Variants in JARID2 observed in about 807,000 individuals in gnomAD.
JARID2 encodes the protein protein Jumonji.
Under a neutral mutation model 125.6 loss-of-function variants are expected in JARID2, and 21 were observed. The observed-to-expected ratio is 0.17, with a 90% CI of 0.12 to 0.24. The LOEUF is 0.24. Ranked by LOEUF, JARID2 falls within the 10% of genes least tolerant of loss-of-function variation. The pLI is 1.00. For missense variants in JARID2, 1,303 were observed against 1,639.6 expected (o/e 0.79, Z 3.55); for synonymous variants, 736 against 661.6 (o/e 1.11, Z -1.73).
intron 5 of JARID2, among the ~76,000 whole-genome samples, chr6:15,477,600 G>A (rs142562640): frequency 1.4e-3 from 216 of 151,308 alleles, no homozygotes; most frequent in African/African-American, 5.0e-3. Flanking sequence ...CATTTGGGGC[G>A]GTGTTCCTTA....
intron 1 of JARID2, among the ~76,000 whole-genome samples, chr6:15,325,724 C>T (rs141571391): frequency 6.6e-6 from 1 of 152,194 alleles, no homozygotes; most frequent in Non-Finnish European, 1.5e-5. Context: ...ATCATAGTCC[C>T]TTCCTGGGAG....
chr6:15,342,265 T>C (rs1033188115), intron 1 of JARID2, among the ~76,000 whole-genome samples: 2 of 152,242 alleles, frequency 1.3e-5, no homozygotes, highest in Non-Finnish European at 2.9e-5. Flanking sequence ...ACTTGGCCTC[T>C]GTGCGACTTA....
intron 2 of JARID2, among the ~76,000 whole-genome samples, chr6:15,408,349 C>G (rs144531566): frequency 0.01 from 1,534 of 152,032 alleles, 11 homozygotes; most frequent in South Asian, 0.018. Flanking sequence ...GGTTCTTTAA[C>G]CAGCATTTTT....
intron 1 of JARID2, among the ~76,000 whole-genome samples, chr6:15,346,737 T>C (rs970682066): frequency 2.0e-5 from 3 of 146,864 alleles, no homozygotes; most frequent in Non-Finnish European, 3.0e-5. Context: ...GAAGTAATTG[T>C]AATTTTTTTT....
intron 4 of JARID2, among the ~76,000 whole-genome samples, chr6:15,465,448 C>G (rs1376981586): frequency 2.6e-5 from 4 of 152,140 alleles, no homozygotes; most frequent in Non-Finnish European, 5.9e-5. Flanking sequence ...GATTTCTTGT[C>G]TCAAACAATA....
At chr6:15,486,606 A>T (rs1769875303) in intron 5 of JARID2, among the ~76,000 whole-genome samples, 1 of 152,240 alleles carries the variant, frequency 6.6e-6, no homozygotes, top group Non-Finnish European at 1.5e-5. Flanking sequence ...GGCTTATAGG[A>T]AGCACTTAAG....
chr6:15,517,097 C>A, intron 16 of JARID2, 64 bp from the exon 17 acceptor site: 1 of 1,278,394 alleles, frequency 7.8e-7, no homozygotes, highest in Admixed American at 1.7e-5. Flanking sequence ...GTGCTCCTAC[C>A]TTACCCTCCC....
At chr6:15,281,884 A>G (rs900117829) in intron 1 of JARID2, among the ~76,000 whole-genome samples, 1 of 151,854 alleles carries the variant, frequency 6.6e-6, no homozygotes, top group African/African-American at 2.4e-5. Flanking sequence ...TAATATTAGC[A>G]TATGATTGAA....
chr6:15,516,424 G>GC (rs1385410358), intron 16 of JARID2, among the ~76,000 whole-genome samples: 3 of 152,336 alleles, frequency 2.0e-5, no homozygotes, highest in African/African-American at 7.2e-5. Context: ...CCCTAGACAG[G>GC]CCCCCAGTGA....
chr6:15,320,852 CTGTG>C lies in JARID2; in HGVS notation c.46-53237_46-53234del, dbSNP rs71944757. 5.6e-4 allele frequency among the ~76,000 whole-genome samples: 82 copies of C among 145,398 alleles called. 1 individual carries two copies. The highest frequency in any genetic ancestry group is 3.6e-3 in the Middle Eastern group (1 of 280). On this transcript the variant is annotated intron_variant, in intron 1 of 17. Coordinates refer to ENST00000341776, the MANE Select transcript of JARID2 (RefSeq NM_004973.4). ...AATATGATTCATTCTCTCTCTCTCT[CTGTG>C]TGTGTGTGTGTGTGTGTGTGTGTGT... is the stretch of plus-strand genomic sequence containing the variant.
At chr6:15,433,144 A>G (rs1404908495) in intron 3 of JARID2, among the ~76,000 whole-genome samples, 1 of 152,182 alleles carries the variant, frequency 6.6e-6, no homozygotes, top group Admixed American at 6.5e-5. Flanking sequence ...TTACCCTTAA[A>G]TAATAAGCAC....
chr6:15,329,269 C>T (rs144637292), intron 1 of JARID2, among the ~76,000 whole-genome samples: 10 of 151,804 alleles, frequency 6.6e-5, no homozygotes, highest in African/African-American at 1.7e-4. Context: ...GGACTCTGGC[C>T]TGGGATTCTT....
rs1175411007 is a variant in JARID2 at position 15,416,176 on chromosome 6, C to T, written c.323+5811C>T. ...CTCACTTCCTAGATGGGATGGCGGC[C>T]GGGCAGAGACGCTCCTCACTTTCCA... is the stretch of plus-strand genomic sequence containing the variant. On this transcript the variant is annotated intron_variant, in intron 3 of 17. Coordinates refer to ENST00000341776, the MANE Select transcript of JARID2 (RefSeq NM_004973.4). 4.6e-5 allele frequency among the ~76,000 whole-genome samples: 7 copies of T among 151,100 alleles called. No homozygotes were observed. In the East Asian group the frequency reaches 5.9e-4, roughly 13 times the overall value.
intron 1 of JARID2, among the ~76,000 whole-genome samples, chr6:15,262,780 G>A (rs10949290): frequency 0.27 from 40,423 of 151,698 alleles, 5,595 homozygotes; most frequent in South Asian, 0.45. Flanking sequence ...CACCCGCCTC[G>A]GCCACCCAAA....
chr6:15,509,853 T>C (rs1036565075), intron 12 of JARID2, among the ~76,000 whole-genome samples: 3 of 152,120 alleles, frequency 2.0e-5, no homozygotes, highest in African/African-American at 4.8e-5. Context: ...TGGAACCTCA[T>C]TGACAGGAGA....
intron 1 of JARID2, among the ~76,000 whole-genome samples, chr6:15,260,905 G>A (rs113016914): frequency 1.4e-4 from 21 of 152,276 alleles, no homozygotes; most frequent in African/African-American, 4.8e-4. Flanking sequence ...CATACCCCAG[G>A]ATGAAACACA....
At chr6:15,287,036 C>T (rs536227483) in intron 1 of JARID2, among the ~76,000 whole-genome samples, 6 of 152,144 alleles carry the variant, frequency 3.9e-5, no homozygotes, top group South Asian at 4.2e-4. Flanking sequence ...AATCTTGAAC[C>T]TGAGGCTTGA....
chr6:15,464,440 AG>A (rs2127667298), intron 4 of JARID2, among the ~76,000 whole-genome samples: 1 of 152,304 alleles, frequency 6.6e-6, no homozygotes, highest in African/African-American at 2.4e-5. Flanking sequence ...TGTTCCTTCT[AG>A]GGGAGATGCC....
intron 2 of JARID2, among the ~76,000 whole-genome samples, chr6:15,390,213 A>T (rs906513493): frequency 2.0e-5 from 3 of 152,110 alleles, no homozygotes; most frequent in Non-Finnish European, 4.4e-5. Context: ...GAGAAACCCA[A>T]TGTGAGTGCG....
Sources: allele counts gnomAD v4.1 joint callset (sites outside exome capture counted in the v4.1 genomes callset), GRCh38; gene constraint gnomAD v4.1.1; transcripts MANE v1.5; gene names NCBI Gene and HGNC (gene_info 2026-07-23, HGNC 2026-07-21).